The following COPG2 variants were observed in gnomAD, a reference collection of about 807,000 sequenced individuals.
COPG2 encodes the protein coat protein complex I subunit gamma 2, also known as coatomer subunit gamma-2.
In COPG2, 37 loss-of-function variants were observed where a neutral mutation model predicts 46.3. That is an observed-to-expected ratio of 0.80 (90% CI 0.61 to 1.05). The LOEUF (loss-of-function observed/expected upper bound fraction) is 1.05. Among genes scored for constraint, COPG2 ranks in the 50% least tolerant of loss-of-function variants. COPG2 has a pLI of 0.00. For missense variants in COPG2, 427 were observed against 387.8 expected (o/e 1.10, Z -0.85); for synonymous variants, 159 against 129.7 (o/e 1.23, Z -1.53).
chr7:130,604,766 C>T (rs782619306), intron 9 of COPG2: 1 of 507,024 alleles, frequency 2.0e-6, no homozygotes, highest in South Asian at 1.5e-5. Flanking sequence ...TAGGGGAAAG[C>T]TTTTAATAGT....
At chr7:130,604,308 G>GT (rs1794690686) in intron 9 of COPG2, among the ~76,000 whole-genome samples, 1 of 152,084 alleles carries the variant, frequency 6.6e-6, no homozygotes, top group African/African-American at 2.4e-5. Context: ...TTAAGAAGAT[G>GT]TATCTTTACA....
At position 130,552,389 on chromosome 7, in the gene COPG2, T is replaced by G; in HGVS notation, c.1510A>C (p.Ser504Arg). The G allele has an allele frequency of 2.5e-6, 1 of 398,374 alleles. No individual in the cohort carries two copies. The highest frequency in any genetic ancestry group is 4.4e-6 in the Non-Finnish European group (1 of 225,926). The allele number at this position is 398,374 out of a possible 1,614,324, so 24.7% of individuals were successfully genotyped here. Residue 504 changes from serine to arginine, a missense_variant, in exon 15 of 24, where the codon AGT becomes CGT. Physicochemically the swap from Ser to Arg is moderately radical, Grantham distance 110. Coordinates refer to ENST00000425248, the MANE Select transcript of COPG2 (RefSeq NM_012133.6). ...ALAKFGAQNE[S>R]LLPSILVLLQ... ...AGTACAAGGATGCTTGGGAGAAGACTCTCATTCTGAGCCCCAAATTTAGCC... is the reference window on the plus strand; with the variant it reads ...AGTACAAGGATGCTTGGGAGAAGACGCTCATTCTGAGCCCCAAATTTAGCC...
chr7:130,596,508 C>T (rs1448503504), intron 9 of COPG2, among the ~76,000 whole-genome samples: 1 of 152,204 alleles, frequency 6.6e-6, no homozygotes, highest in African/African-American at 2.4e-5. Context: ...TAGGTCCACA[C>T]TCATCCTACT....
intron 5 of COPG2, among the ~76,000 whole-genome samples, chr7:130,643,155 C>T (rs1247685907): frequency 2.0e-5 from 3 of 152,080 alleles, no homozygotes; most frequent in Non-Finnish European, 2.9e-5. Flanking sequence ...ATTAGCCAGG[C>T]GTGGTGGCGG....
chr7:130,537,084 A>C (rs1370021180), intron 20 of COPG2, among the ~76,000 whole-genome samples: 1 of 152,056 alleles, frequency 6.6e-6, no homozygotes, highest in Non-Finnish European at 1.5e-5. Flanking sequence ...GACTGGGTGC[A>C]TTCGTACCGG....
At chr7:130,519,449 A>G (rs1799707794) in intron 20 of COPG2, among the ~76,000 whole-genome samples, 1 of 152,226 alleles carries the variant, frequency 6.6e-6, no homozygotes. Context: ...AAAGTGAGGA[A>G]GATGGAAGAT....
At chr7:130,517,843 G>C (rs1799691893) in intron 20 of COPG2, among the ~76,000 whole-genome samples, 1 of 152,194 alleles carries the variant, frequency 6.6e-6, no homozygotes, top group Admixed American at 6.5e-5. Context: ...GTTGCAAAAA[G>C]ACAAATAAGC....
chr7:130,610,719 G>A, intron 9 of COPG2: 2 of 634,158 alleles, frequency 3.2e-6, no homozygotes, highest in Non-Finnish European at 5.7e-6. Flanking sequence ...TATATTTTTT[G>A]TTCAATATCA....
intron 20 of COPG2, chr7:130,509,643 T>C: frequency 2.0e-6 from 1 of 512,792 alleles, no homozygotes; most frequent in Non-Finnish European, 3.9e-6. Context: ...CATGTTGACA[T>C]TACACGTAAA....
At chr7:130,530,472 G>A (rs974460996) in intron 20 of COPG2, among the ~76,000 whole-genome samples, 2 of 152,200 alleles carry the variant, frequency 1.3e-5, no homozygotes, top group South Asian at 2.1e-4. Flanking sequence ...AGATCTGGAG[G>A]AGCAACAGAA....
chr7:130,631,934 C>A (rs1554455277), intron 5 of COPG2, among the ~76,000 whole-genome samples: 1 of 152,146 alleles, frequency 6.6e-6, no homozygotes, highest in Non-Finnish European at 1.5e-5. Context: ...TAAATTCTTT[C>A]AGCGGTTTTT....
intron 5 of COPG2, among the ~76,000 whole-genome samples, chr7:130,638,671 G>C (rs1360764221): frequency 1.3e-5 from 2 of 152,114 alleles, no homozygotes; most frequent in African/African-American, 4.8e-5. Flanking sequence ...GGCTCCGTGG[G>C]GGTGGGATCC....
intron 20 of COPG2, chr7:130,509,908 G>A (rs782090210): frequency 1.3e-5 from 6 of 478,846 alleles, no homozygotes; most frequent in Non-Finnish European, 2.1e-5. Flanking sequence ...CTCAAAAGAT[G>A]CAAAAGAGCT....
intron 20 of COPG2, among the ~76,000 whole-genome samples, chr7:130,534,591 C>G (rs1799860916): frequency 6.6e-6 from 1 of 152,042 alleles, no homozygotes. Context: ...TGCAGCAATA[C>G]AGAGTAAATC....
chr7:130,649,999 T>A (rs782735520), intron 5 of COPG2, among the ~76,000 whole-genome samples: 3 of 152,190 alleles, frequency 2.0e-5, no homozygotes, highest in Non-Finnish European at 2.9e-5. Context: ...AAGATATCGG[T>A]AGGGCTACAG....
chr7:130,512,710 A>G (rs1554441186), intron 20 of COPG2, among the ~76,000 whole-genome samples: 1 of 152,044 alleles, frequency 6.6e-6, no homozygotes, highest in East Asian at 1.9e-4. Flanking sequence ...ACGCCACTGC[A>G]CTCTAACCTG....
At chr7:130,562,748 A>C (rs1793738746) in intron 11 of COPG2, among the ~76,000 whole-genome samples, 1 of 152,218 alleles carries the variant, frequency 6.6e-6, no homozygotes, top group Non-Finnish European at 1.5e-5. Flanking sequence ...GATAAAATAT[A>C]CTATTAAAAT....
intron 5 of COPG2, 112 bp downstream of exon 5, chr7:130,652,757 A>T: frequency 1.4e-6 from 1 of 720,914 alleles, no homozygotes; most frequent in Non-Finnish European, 2.4e-6. Flanking sequence ...GCTTTAAGAT[A>T]TTATATTCTT....
chr7:130,599,289 T>C (rs1239569806), intron 9 of COPG2, among the ~76,000 whole-genome samples: 1 of 152,148 alleles, frequency 6.6e-6, no homozygotes, highest in Non-Finnish European at 1.5e-5. Context: ...GTGAACAACA[T>C]GTGAACAGAG....
Sources: gnomAD v4.1 joint callset for allele counts (sites outside exome capture counted in the v4.1 genomes callset) on GRCh38, gnomAD v4.1.1 for gene constraint, MANE v1.5 for transcripts, NCBI Gene and HGNC (gene_info 2026-07-23, HGNC 2026-07-21) for gene names.